ATG9B: variants seen among roughly 807,000 people sequenced by gnomAD.
ATG9B encodes autophagy related 9B.
ATG9B carries 92 observed loss-of-function variants against 92.9 expected under a neutral mutation model. The ratio of observed to expected loss-of-function variants is 0.99; its 90% CI spans 0.84 to 1.18. ATG9B has a LOEUF of 1.18. ATG9B is among the 50% of genes most tolerant of loss of function. The pLI, the probability that ATG9B is intolerant of heterozygous loss-of-function variation, is 0.00. For synonymous variants in ATG9B, 599 were observed against 551.4 expected, an observed-to-expected ratio of 1.09 and a Z score of -1.21; for missense variants, 1,344 against 1,235.0, an observed-to-expected ratio of 1.09 and a Z score of -1.32.
intron 13 of ATG9B, 50 bp from the exon 14 acceptor site, chr7:151,015,763 G>C: frequency 7.4e-7 from 1 of 1,356,084 alleles, no homozygotes; most frequent in South Asian, 1.6e-5. Flanking sequence ...CTAGATTCCA[G>C]AGATGACCAC....
chr7:151,022,763 G>A (rs984664152), intron 4 of ATG9B, among the ~76,000 whole-genome samples: 1 of 151,868 alleles, frequency 6.6e-6, no homozygotes. Context: ...TTGAACCTGG[G>A]AGGTGGAGGT....
In ATG9B at chr7:151,016,238, G is replaced by T; in HGVS notation, c.2521-3C>A. On this transcript the variant is annotated splice_region_variant and splice_polypyrimidine_tract_variant and intron_variant, in intron 11 of 13. Coordinates refer to ENST00000639579, the MANE Select transcript of ATG9B (RefSeq NM_001317056.2). The stretch of plus-strand genomic sequence containing the variant: ...TGCTGCTGCTGCTGCTGGTGAAGCT[G>T]CATGGAAAGGAGGAGGAATGAGGGC... The T allele has an allele frequency of 6.7e-7, 1 of 1,489,220 alleles. No homozygotes were observed. Among genetic ancestry groups the T allele is most frequent in the Non-Finnish European group, 9.0e-7 (1 of 1,115,972 alleles). 92.3% of individuals were successfully genotyped at this position (1,489,220 alleles called of 1,614,324 possible).
downstream of ATG9B, chr7:151,013,646 C>A: frequency 7.4e-7 from 1 of 1,349,288 alleles, no homozygotes; most frequent in Non-Finnish European, 1.0e-6. Flanking sequence ...CTTTCACGTC[C>A]AGGGCCAGCC....
In ATG9B at chr7:151,023,759, C is replaced by T. The variant is rs1465180475; in HGVS notation, c.551-29G>A. On this transcript the variant is annotated intron_variant, in intron 1 of 13. Transcript: ENST00000639579. Reference sequence around the variant, plus strand: ...GGCACAGAGGGGAGAGTGTCAGCCCCTGGCATGTGATCAATTCTCCACGTT... The same window carrying T: ...GGCACAGAGGGGAGAGTGTCAGCCCTTGGCATGTGATCAATTCTCCACGTT... 2.5e-6 allele frequency: 4 copies of T among 1,613,706 alleles called. No homozygotes were observed. In the African/African-American group the frequency reaches 5.3e-5, roughly 22 times the overall value.
chr7:151,019,171 C>T lies in ATG9B; in HGVS notation c.1167G>A (p.Ala389=), dbSNP rs1190385700. The T allele has an allele frequency of 2.0e-6, 3 of 1,536,706 alleles. No individual in the cohort carries two copies. The South Asian group carries it at 3.6e-5, about 18-fold the overall frequency. ...ARCPLPWGGS[A]AFLSRGLALN... Reference sequence around the variant, plus strand: ...GCGCCAGGCCGCGGCTGAGGAAAGCCGCACTGCCTCCCCAGGGCAGCGGGC... The same window carrying T: ...GCGCCAGGCCGCGGCTGAGGAAAGCTGCACTGCCTCCCCAGGGCAGCGGGC... Residue 389 remains alanine, a synonymous_variant, in exon 6 of 14, where the codon GCG becomes GCA. Transcript: ENST00000639579.
rs1584927387 is a variant in ATG9B at position 151,019,233 on chromosome 7, C to G, written c.1105G>C (p.Val369Leu). The change falls in exon 6 of 14, where the codon GTG becomes CTG. Residue 369 changes from valine to leucine, a missense_variant. Transcript: ENST00000639579. ...AGCAGGCCTTTGTTGGCCAGCGCCACCTGGTAGTTGGTGTAGCGCAGGATG... is the reference window on the plus strand; with the variant it reads ...AGCAGGCCTTTGTTGGCCAGCGCCAGCTGGTAGTTGGTGTAGCGCAGGATG... ...HRILRYTNYQ[V>L]ALANKGLLPA... 2.6e-6 allele frequency: 4 copies of G among 1,553,346 alleles called. No homozygotes were observed. The highest frequency in any genetic ancestry group is 2.4e-5 in the East Asian group (1 of 41,818).
chr7:151,017,866 C>T lies in ATG9B; in HGVS notation c.2052+5G>A. On this transcript the variant is annotated splice_donor_5th_base_variant and intron_variant, in intron 8 of 13. Transcript: ENST00000639579. ...AAACCCCCAGGGCCAGGGAACGGCT[C>T]TGACCTGAGGGTGTCCGTGGCGCTT... 6.2e-7 allele frequency: 1 copy of T among 1,602,694 alleles called. No homozygotes were observed.
chr7:151,024,211 T>C lies in ATG9B; in HGVS notation c.213A>G (p.Ala71=). 6.8e-7 allele frequency: 1 copy of C among 1,474,172 alleles called. No homozygotes were observed. The highest frequency in any genetic ancestry group is 9.0e-7 in the Non-Finnish European group (1 of 1,109,164). 91.3% of individuals were successfully genotyped at this position (1,474,172 alleles called of 1,614,324 possible). ...SSPSSFSPPT[A]GPPCSVLQGT... is the part of the protein sequence containing the mutation. ...CCTGTAGCACTGAGCAAGGGGGCCC[T>C]GCGGTGGGAGGGGAAAATGAGGAGG... The change falls in exon 1 of 14, where the codon GCA becomes GCG. Residue 71 remains alanine, a synonymous_variant. Transcript: ENST00000639579.
At chr7:151,021,941 G>A (rs1189203732) in intron 4 of ATG9B, among the ~76,000 whole-genome samples, 3 of 149,750 alleles carry the variant, frequency 2.0e-5, no homozygotes, top group South Asian at 4.2e-4. Flanking sequence ...GAGCCACCAC[G>A]CCCAGCCGCA....
At chr7:151,019,459 T>C (rs1369545544) in intron 5 of ATG9B, 85 bp from the exon 6 acceptor site, 4 of 1,451,342 alleles carry the variant, frequency 2.8e-6, no homozygotes, top group African/African-American at 1.4e-5. Flanking sequence ...GTGTGCGGCC[T>C]GAAAACCCGC....
intron 5 of ATG9B, among the ~76,000 whole-genome samples, chr7:151,020,723 T>A (rs1255934070): frequency 6.6e-6 from 1 of 152,182 alleles, no homozygotes; most frequent in African/African-American, 2.4e-5. Flanking sequence ...ATGCGGGGGA[T>A]GGCTTTGAAG....
intron 8 of ATG9B, among the ~76,000 whole-genome samples, 167 bp downstream of exon 8, chr7:151,017,704 T>C (rs1049616305): frequency 3.3e-5 from 5 of 152,188 alleles, no homozygotes; most frequent in Non-Finnish European, 5.9e-5. Context: ...CACATTGCCA[T>C]TGTTGCCATC....
downstream of ATG9B, chr7:151,014,146 G>A (rs747320181): frequency 1.4e-5 from 23 of 1,608,878 alleles, no homozygotes; most frequent in South Asian, 1.8e-4. Flanking sequence ...CGACCCTCCC[G>A]GCTCAGACAC....
At chr7:151,023,411 G>A (rs769044365) in intron 3 of ATG9B, 34 bp downstream of exon 3, 2 of 1,611,106 alleles carry the variant, frequency 1.2e-6, no homozygotes, top group South Asian at 1.1e-5. Flanking sequence ...TGGGCCCAGG[G>A]GACCGAGTTC....
chr7:151,022,213 A>G (rs888996196), intron 4 of ATG9B, among the ~76,000 whole-genome samples: 3 of 148,602 alleles, frequency 2.0e-5, no homozygotes, highest in African/African-American at 7.6e-5. Flanking sequence ...AGGAGGGTGT[A>G]GGGATGCTGC....
At chr7:151,013,989 C>T (rs748378723), downstream of ATG9B, 36 of 1,610,876 alleles carry the variant, frequency 2.2e-5, no homozygotes, top group Non-Finnish European at 2.8e-5. Flanking sequence ...TTCTGATCCA[C>T]TGTGCTCTTT....
At chr7:151,012,428 T>C, downstream of ATG9B, 2 of 1,610,678 alleles carry the variant, frequency 1.2e-6, no homozygotes. Flanking sequence ...ATTGCCCCCT[T>C]CCGGGGATTC....
At chr7:151,017,005 G>A in intron 9 of ATG9B, 31 bp downstream of exon 9, 1 of 1,559,038 alleles carries the variant, frequency 6.4e-7, no homozygotes, top group Non-Finnish European at 8.7e-7. Context: ...TGGGGGTGAA[G>A]GCAGAAGGGG....
At position 151,023,136 on chromosome 7, in the gene ATG9B, T is replaced by A; in HGVS notation, c.730A>T (p.Asn244Tyr). ...GGTCTGGTATGGTTACTTGGTTGGT[T>A]GGCAAAGAGAACATTGTAATCCACG... ...RCVDYNVLFA[N>Y]QPSNHTRPGP... The change falls in exon 4 of 14, where the codon AAC becomes TAC. Residue 244 changes from asparagine to tyrosine, a missense_variant. Asn to Tyr is a moderately radical substitution (Grantham distance 143). Transcript: ENST00000639579. 1 of 1,614,176 alleles carries A rather than the reference T, an allele frequency of 6.2e-7. No individual in the cohort carries two copies. The highest frequency in any genetic ancestry group is 8.5e-7 in the Non-Finnish European group (1 of 1,180,018).
Sources: allele counts gnomAD v4.1 joint callset (sites outside exome capture counted in the v4.1 genomes callset), GRCh38; gene constraint gnomAD v4.1.1; transcripts MANE v1.5; gene names NCBI Gene and HGNC (gene_info 2026-07-23, HGNC 2026-07-21).